GPRC5B: variants seen among roughly 807,000 people sequenced by gnomAD.
GPRC5B encodes the protein G protein-coupled receptor class C group 5 member B.
A neutral mutation model predicts 30.1 loss-of-function variants in GPRC5B; 16 were observed. The ratio of observed to expected loss-of-function variants is 0.53; its 90% CI spans 0.36 to 0.81. The LOEUF (loss-of-function observed/expected upper bound fraction) is 0.81. Among genes scored for constraint, GPRC5B ranks in the 30% least tolerant of loss-of-function variants. The probability of loss-of-function intolerance (pLI) is 0.01; values close to 1 mark genes in which losing one functional copy is unlikely to be tolerated. For synonymous variants in GPRC5B, 241 were observed against 239.5 expected (o/e 1.01, Z -0.06); for missense variants, 428 against 544.7 (o/e 0.79, Z 2.13).
At chr16:19,881,203 C>G (rs1385753773) in intron 1 of GPRC5B, among the ~76,000 whole-genome samples, 5 of 152,222 alleles carry the variant, frequency 3.3e-5, no homozygotes, top group Non-Finnish European at 7.3e-5. Context: ...CTTAACCTCT[C>G]TGAACCTCGG....
At position 19,872,877 on chromosome 16, in the gene GPRC5B, G is replaced by C. The variant is rs779927919; in HGVS notation, c.-1-31C>G. On this transcript the variant is annotated intron_variant, in intron 1 of 3. Transcript: ENST00000300571. The surrounding 1 kb of genome is among the most constrained non-coding windows in gnomAD (Gnocchi z 5.0). ...AAAGCCAAGAGGGGAATGGTTGGGG[G>C]GAAGGAAAGATGAATTCATTGGAAG... is the stretch of plus-strand genomic sequence containing the variant. 8 of 1,530,334 alleles carry C rather than the reference G, an allele frequency of 5.2e-6. No individual in the cohort carries two copies. The highest frequency in any genetic ancestry group is 3.4e-5 in the Admixed American group (2 of 58,232). The allele number at this position is 1,530,334 out of a possible 1,614,324, so 94.8% of individuals were successfully genotyped here.
chr16:19,884,928 C>G (rs2056839331), upstream of GPRC5B: 8 of 941,944 alleles, frequency 8.5e-6, no homozygotes, highest in Non-Finnish European at 1.0e-5. Flanking sequence ...CGCCCCCGCC[C>G]CCGCCCCCGG....
intron 1 of GPRC5B, among the ~76,000 whole-genome samples, chr16:19,876,582 C>T (rs562715473): frequency 6.6e-6 from 1 of 152,320 alleles, no homozygotes; most frequent in South Asian, 2.1e-4. Flanking sequence ...ACTTTTGTTT[C>T]TCCAGCTCCT....
intron 2 of GPRC5B, among the ~76,000 whole-genome samples, chr16:19,868,701 G>A (rs1384754582): frequency 6.6e-6 from 1 of 152,216 alleles, no homozygotes; most frequent in African/African-American, 2.4e-5. Context: ...GGTAAGAAGA[G>A]AGCAGCTGAT....
intron 1 of GPRC5B, among the ~76,000 whole-genome samples, chr16:19,878,224 CAAAA>C (rs545751657): frequency 4.1e-4 from 60 of 145,004 alleles, no homozygotes; most frequent in Admixed American, 3.1e-3. Flanking sequence ...AACAAACAAA[CAAAA>C]AAACCCAAAG....
chr16:19,885,031 C>A, upstream of GPRC5B: 1 of 620,060 alleles, frequency 1.6e-6, no homozygotes, highest in Non-Finnish European at 2.3e-6. The surrounding 1 kb of genome is among the most constrained non-coding windows in gnomAD (Gnocchi z 5.3). Flanking sequence ...CCCCGGAGCC[C>A]AAGCTCGTAG....
intron 2 of GPRC5B, among the ~76,000 whole-genome samples, chr16:19,863,555 T>G (rs1235596364): frequency 9.8e-5 from 14 of 142,824 alleles, no homozygotes; most frequent in Non-Finnish European, 9.0e-5. Context: ...TGGAGTGCAG[T>G]GGTGCAATCT....
At chr16:19,884,552 G>A (rs1316273493) in intron 1 of GPRC5B, among the ~76,000 whole-genome samples, 175 bp downstream of exon 1, 1 of 140,064 alleles carries the variant, frequency 7.1e-6, no homozygotes, top group East Asian at 2.2e-4. Context: ...GTCGCACCGT[G>A]GTTCCCCTCG....
chr16:19,878,635 C>T (rs2056779256), intron 1 of GPRC5B, among the ~76,000 whole-genome samples: 1 of 152,138 alleles, frequency 6.6e-6, no homozygotes, highest in African/African-American at 2.4e-5. Context: ...TGTTCCTCAC[C>T]ATTCCCCTCT....
At position 19,858,482 on chromosome 16, in the gene GPRC5B, C is replaced by A; in HGVS notation, c.*2018G>T. 1 of 689,378 alleles carries A rather than the reference C, an allele frequency of 1.5e-6. No homozygotes were observed. 42.7% of individuals were successfully genotyped at this position (689,378 alleles called of 1,614,324 possible). On this transcript the variant is annotated 3_prime_UTR_variant, in exon 4 of 4. Transcript: ENST00000300571. ...TAGAAAACGAACGTGTGAATTGCTC[C>A]ATCGTGTGAATGGTATCAGAAAGCT...
chr16:19,872,596 T>G lies in GPRC5B; in HGVS notation c.250A>C (p.Ile84Leu), dbSNP rs1198833190. The G allele has an allele frequency of 6.2e-7, 1 of 1,613,970 alleles. No homozygotes were observed. The highest frequency in any genetic ancestry group is 1.7e-5 in the Admixed American group (1 of 60,022). Residue 84 changes from isoleucine to leucine, a missense_variant, in exon 2 of 4, where the codon ATC becomes CTC. Ile to Leu is a conservative substitution (Grantham distance 5). Transcript: ENST00000300571. This position sits in a 1 kb window ranked among gnomAD's most constrained non-coding sequence, Gnocchi z 5.0. ...MLILLVRLPF[I>L]KEKEKKSPVG... Reference sequence around the variant, plus strand: ...GGGCTCTTCTTCTCCTTCTCCTTGATGAAGGGCAGCCGCACCAGGAGGATG... The same window carrying G: ...GGGCTCTTCTTCTCCTTCTCCTTGAGGAAGGGCAGCCGCACCAGGAGGATG...
At position 19,860,465 on chromosome 16, in the gene GPRC5B, AAG is replaced by A; in HGVS notation, c.*33_*34del. ...GACACAGCCAGGGAGGCAAATCGGT[AAG>A]AGAAATTCTGATTCTCTGGAACTTA... is the stretch of plus-strand genomic sequence containing the variant. On this transcript the variant is annotated 3_prime_UTR_variant, in exon 4 of 4. Transcript: ENST00000300571. 7.1e-7 allele frequency: 1 copy of A among 1,404,572 alleles called. No homozygotes were observed. Among genetic ancestry groups the A allele is most frequent in the African/African-American group, 1.4e-5 (1 of 70,950 alleles). 87.0% of individuals were successfully genotyped at this position (1,404,572 alleles called of 1,614,324 possible). A position where few individuals can be genotyped will look rare whatever the true frequency, so the allele number is the denominator to read the frequency against.
At chr16:19,861,261 G>C (rs1418794288) in intron 3 of GPRC5B, among the ~76,000 whole-genome samples, 1 of 152,128 alleles carries the variant, frequency 6.6e-6, no homozygotes, top group Non-Finnish European at 1.5e-5. Context: ...TTGGATTGCT[G>C]GAGAAACAAA....
chr16:19,879,308 G>C (rs1278615742), intron 1 of GPRC5B, among the ~76,000 whole-genome samples: 1 of 152,136 alleles, frequency 6.6e-6, no homozygotes, highest in Non-Finnish European at 1.5e-5. Context: ...AAATGTGAAC[G>C]AATGCACAAG....
intron 1 of GPRC5B, among the ~76,000 whole-genome samples, chr16:19,879,524 C>T (rs2056787159): frequency 6.6e-6 from 1 of 152,164 alleles, no homozygotes; most frequent in Non-Finnish European, 1.5e-5. Flanking sequence ...CTCTATCTCT[C>T]CACGTGCTGG....
At position 19,860,368 on chromosome 16, in the gene GPRC5B, C is replaced by G. The variant is rs1246665458; in HGVS notation, c.*132G>C. 3.1e-6 allele frequency: 2 copies of G among 638,664 alleles called. No homozygotes were observed. Among genetic ancestry groups the G allele is most frequent in the Non-Finnish European group, 5.6e-6 (2 of 356,648 alleles). 39.6% of individuals were successfully genotyped at this position (638,664 alleles called of 1,614,324 possible). Reference sequence around the variant, plus strand: ...TCACATTTACACGAAATCCCCTTGGCTAGGATTTCCAAATTTCCTGGCTGT... The same window carrying G: ...TCACATTTACACGAAATCCCCTTGGGTAGGATTTCCAAATTTCCTGGCTGT... On this transcript the variant is annotated 3_prime_UTR_variant, in exon 4 of 4. Coordinates refer to ENST00000300571, the MANE Select transcript of GPRC5B (RefSeq NM_016235.3).
chr16:19,867,297 A>G (rs1597625862), intron 2 of GPRC5B, among the ~76,000 whole-genome samples: 2 of 152,200 alleles, frequency 1.3e-5, no homozygotes, highest in African/African-American at 4.8e-5. Flanking sequence ...GCCTGGATTT[A>G]AACTCTTCCT....
In GPRC5B at chr16:19,872,497, C is replaced by T. The variant is rs774687643; in HGVS notation, c.349G>A (p.Glu117Lys). Residue 117 changes from glutamate to lysine, a missense_variant, in exon 2 of 4, where the codon GAG (glutamate) becomes AAG (lysine). Glu to Lys is a moderately conservative substitution (Grantham distance 56). This residue lies in a region of GPRC5B where 196 missense variants were observed against 272.6 expected (regional missense o/e 0.72). Transcript: ENST00000300571. This position sits in a 1 kb window ranked among gnomAD's most constrained non-coding sequence, Gnocchi z 5.0. Reference protein sequence around the residue: ...FGLTFAFIIQEDETICSVRRF... With the variant: ...FGLTFAFIIQKDETICSVRRF... The stretch of plus-strand genomic sequence containing the variant: ...CGGACAGAGCAGATGGTCTCGTCCT[C>T]CTGGATGATGAAGGCAAACGTCAGC... 1.2e-5 allele frequency: 19 copies of T among 1,613,944 alleles called. No individual in the cohort carries two copies. The highest frequency in any genetic ancestry group is 1.7e-5 in the Admixed American group (1 of 60,010).
rs567635911 is a variant in GPRC5B at position 19,857,187 on chromosome 16, G to A, written c.*3313C>T. On this transcript the variant is annotated 3_prime_UTR_variant, in exon 4 of 4. Transcript: ENST00000300571. Reference sequence around the variant, plus strand: ...ACCTTAATATGTTCTGTGGTTTGCTGTTAACCAAGATTCTCCCATTTAAAA... The same window carrying A: ...ACCTTAATATGTTCTGTGGTTTGCTATTAACCAAGATTCTCCCATTTAAAA... 9.7e-5 allele frequency: 25 copies of A among 258,352 alleles called. No homozygotes were observed. The South Asian group carries it at 1.0e-3, about 10-fold the overall frequency. The allele number at this position is 258,352 out of a possible 1,614,324, so 16.0% of individuals were successfully genotyped here. A position where few individuals can be genotyped will look rare whatever the true frequency, so the allele number is the denominator to read the frequency against.
Sources: gnomAD v4.1 joint callset for allele counts (sites outside exome capture counted in the v4.1 genomes callset) on GRCh38, gnomAD v4.1.1 for gene constraint, gnomAD v4.1.1 regional missense constraint, Gnocchi (gnomAD v3.1) non-coding constraint, MANE v1.5 for transcripts, NCBI Gene and HGNC (gene_info 2026-07-23, HGNC 2026-07-21) for gene names.